The following CCDC69 variants were observed in gnomAD, a reference collection of about 807,000 sequenced individuals.
CCDC69 encodes the protein coiled-coil domain-containing protein 69.
A neutral mutation model predicts 40.3 loss-of-function variants in CCDC69; 38 were observed. The observed-to-expected ratio is 0.94, with a 90% CI of 0.73 to 1.24. CCDC69 has a LOEUF of 1.24. Among genes scored for constraint, CCDC69 ranks in the 50% most tolerant of loss-of-function variants. The pLI, the probability that CCDC69 is intolerant of heterozygous loss-of-function variation, is 0.00. For synonymous variants in CCDC69, 141 were observed against 138.9 expected (o/e 1.02, Z -0.11); for missense variants, 389 against 357.9 (o/e 1.09, Z -0.70).
At chr5:151,206,468 C>G (rs986317483) in intron 1 of CCDC69, among the ~76,000 whole-genome samples, 5 of 152,170 alleles carry the variant, frequency 3.3e-5, no homozygotes, top group African/African-American at 1.2e-4. Flanking sequence ...GTGAAAGTCC[C>G]AAACCTCTAA....
At chr5:151,204,080 A>T (rs1414892251) in intron 2 of CCDC69, among the ~76,000 whole-genome samples, 1 of 151,622 alleles carries the variant, frequency 6.6e-6, no homozygotes, top group East Asian at 1.9e-4. Flanking sequence ...CCCAGGTTGG[A>T]GTGCAGTGGT....
chr5:151,214,920 G>A (rs1332178392), intron 1 of CCDC69, among the ~76,000 whole-genome samples: 1 of 152,224 alleles, frequency 6.6e-6, no homozygotes, highest in Non-Finnish European at 1.5e-5. Context: ...GAGGCCTAGA[G>A]AAAGCCTTTC....
At chr5:151,216,084 C>A (rs557792978) in intron 1 of CCDC69, among the ~76,000 whole-genome samples, 1 of 151,894 alleles carries the variant, frequency 6.6e-6, no homozygotes, top group Non-Finnish European at 1.5e-5. Context: ...TCAGCCTCCC[C>A]AGTAACTGGG....
chr5:151,195,014 T>C, intron 4 of CCDC69, among the ~76,000 whole-genome samples: 1 of 151,650 alleles, frequency 6.6e-6, no homozygotes, highest in Non-Finnish European at 1.5e-5. Flanking sequence ...CAGCAAAGGG[T>C]CATCGAATGT....
chr5:151,185,406 A>T lies in CCDC69; in HGVS notation c.615+16T>A, dbSNP rs1752483835. 2.5e-6 allele frequency: 4 copies of T among 1,613,168 alleles called. No individual in the cohort carries two copies. The East Asian group carries it at 8.9e-5, about 36-fold the overall frequency. On this transcript the variant is annotated intron_variant, in intron 7 of 8. Coordinates refer to ENST00000355417, the MANE Select transcript of CCDC69 (RefSeq NM_015621.3). ...GAGCCTGAGGCTGCATCCCCCAGCC[A>T]CTCCCAGTCACAGACCACTGTTTCC...
chr5:151,218,561 A>G (rs1753086084), intron 1 of CCDC69, among the ~76,000 whole-genome samples: 1 of 152,108 alleles, frequency 6.6e-6, no homozygotes, highest in Non-Finnish European at 1.5e-5. Context: ...GACCCCTTAG[A>G]GCTCCTTTTC....
intron 4 of CCDC69, among the ~76,000 whole-genome samples, chr5:151,194,986 T>A (rs1161179736): frequency 6.6e-6 from 1 of 151,696 alleles, no homozygotes; most frequent in African/African-American, 2.4e-5. Context: ...TATGATAATT[T>A]AAAAAATAAA....
At position 151,186,116 on chromosome 5, in the gene CCDC69, T is replaced by C. The variant is rs1336833999; in HGVS notation, c.402A>G (p.Ile134Met). 3 of 1,611,814 alleles carry C rather than the reference T, an allele frequency of 1.9e-6. No individual in the cohort carries two copies. Among genetic ancestry groups the C allele is most frequent in the African/African-American group, 1.3e-5 (1 of 74,980 alleles). ...REASSTQQET[I>M]DRLTSQLEAF... The stretch of plus-strand genomic sequence containing the variant: ...CCTCCAGCTGTGAGGTCAGTCTGTC[T>C]ATGGTCTCCTGGAGCAGGGAGTGGG... The change falls in exon 6 of 9, where the codon ATA (isoleucine) becomes ATG (methionine). Residue 134 changes from isoleucine to methionine, a missense_variant. Transcript: ENST00000355417.
At chr5:151,203,686 AAAAT>A (rs1752808952) in intron 2 of CCDC69, among the ~76,000 whole-genome samples, 1 of 137,070 alleles carries the variant, frequency 7.3e-6, no homozygotes, top group African/African-American at 2.8e-5. Flanking sequence ...TATATATAAT[AAAAT>A]ATATATAGTA....
intron 1 of CCDC69, among the ~76,000 whole-genome samples, chr5:151,214,422 G>A (rs892767001): frequency 5.3e-5 from 8 of 151,550 alleles, no homozygotes; most frequent in South Asian, 2.1e-4. Flanking sequence ...GTTCACACCC[G>A]AATTACAGAA....
intron 1 of CCDC69, chr5:151,211,284 G>A (rs1376021398): frequency 1.3e-5 from 2 of 152,298 alleles, no homozygotes; most frequent in Non-Finnish European, 2.9e-5. Context: ...ACCCCTGAGA[G>A]TATCTACATC....
intron 1 of CCDC69, among the ~76,000 whole-genome samples, chr5:151,209,874 C>T (rs1752905613): frequency 6.6e-6 from 1 of 152,116 alleles, no homozygotes; most frequent in African/African-American, 2.4e-5. Flanking sequence ...GCCAAGGTAC[C>T]CAGCCTCAAT....
chr5:151,222,803 C>T lies in CCDC69; in HGVS notation c.48+1120G>A, dbSNP rs148281127. The stretch of plus-strand genomic sequence containing the variant: ...CTAGGTCAGGAGTTGGTGAGAATTT[C>T]AATCTGGTAATAAAGGGAGAGCAAG... On this transcript the variant is annotated intron_variant, in intron 1 of 8. Coordinates refer to ENST00000355417, the MANE Select transcript of CCDC69 (RefSeq NM_015621.3). Among the ~76,000 whole-genome samples, 1,104 of 152,138 alleles carry T rather than the reference C, an allele frequency of 7.3e-3. 13 individuals carry two copies. The highest frequency in any genetic ancestry group is 0.025 in the African/African-American group (1,019 of 41,474).
At chr5:151,189,450 A>AG (rs1004570857) in intron 4 of CCDC69, among the ~76,000 whole-genome samples, 1 of 152,062 alleles carries the variant, frequency 6.6e-6, no homozygotes, top group African/African-American at 2.4e-5. Context: ...ACAATAGAGG[A>AG]GAAAAAAAGA....
intron 5 of CCDC69, among the ~76,000 whole-genome samples, chr5:151,186,841 C>A (rs1752527008): frequency 2.0e-5 from 3 of 152,164 alleles, no homozygotes. Flanking sequence ...TAGCCTTAGT[C>A]CCCTCTCCCA....
intron 4 of CCDC69, among the ~76,000 whole-genome samples, chr5:151,188,938 T>C (rs368302365): frequency 2.0e-5 from 3 of 152,190 alleles, no homozygotes; most frequent in East Asian, 1.9e-4. Context: ...GAATTTGAAG[T>C]ACCACTGACC....
chr5:151,209,828 C>T (rs1057106153), intron 1 of CCDC69, among the ~76,000 whole-genome samples: 4 of 152,192 alleles, frequency 2.6e-5, no homozygotes, highest in African/African-American at 9.7e-5. Context: ...GATTTGCCTG[C>T]CTTGGCCTTC....
intron 1 of CCDC69, among the ~76,000 whole-genome samples, chr5:151,207,825 C>G (rs755108312): frequency 6.6e-6 from 1 of 151,588 alleles, no homozygotes; most frequent in East Asian, 1.9e-4. Flanking sequence ...AAAATTTAAG[C>G]CCTTTTGTAT....
intron 5 of CCDC69, 114 bp downstream of exon 5, chr5:151,187,272 C>T: frequency 1.2e-6 from 1 of 828,824 alleles, no homozygotes; most frequent in Non-Finnish European, 2.0e-6. Context: ...ATCACCTCAG[C>T]CCCTCACTCC....
Sources: allele counts gnomAD v4.1 joint callset (sites outside exome capture counted in the v4.1 genomes callset), GRCh38; gene constraint gnomAD v4.1.1; transcripts MANE v1.5; gene names NCBI Gene and HGNC (gene_info 2026-07-23, HGNC 2026-07-21).